SCN9A: variants seen among roughly 807,000 people sequenced by gnomAD.
SCN9A encodes sodium channel protein type 9 subunit alpha.
A neutral mutation model predicts 187.0 loss-of-function variants in SCN9A; 131 were observed. That is an observed-to-expected ratio of 0.70 (90% CI 0.61 to 0.81). SCN9A has a LOEUF of 0.81. Ranked by LOEUF, SCN9A falls within the 30% of genes least tolerant of loss-of-function variation. The pLI, the probability that SCN9A is intolerant of heterozygous loss-of-function variation, is 0.00. For missense variants in SCN9A, 2,252 were observed against 2,396.6 expected, an observed-to-expected ratio of 0.94 and a Z score of 1.26; for synonymous variants, 809 against 808.6, an observed-to-expected ratio of 1.00 and a Z score of -0.01.
intron 1 of SCN9A, among the ~76,000 whole-genome samples, chr2:166,336,661 C>G (rs7597876): frequency 6.6e-6 from 1 of 152,066 alleles, no homozygotes; most frequent in African/African-American, 2.4e-5. Flanking sequence ...ACACTGTAAA[C>G]GGCCTGAGAG....
At chr2:166,349,704 G>A (rs1699987233) in intron 1 of SCN9A, among the ~76,000 whole-genome samples, 1 of 152,150 alleles carries the variant, frequency 6.6e-6, no homozygotes, top group South Asian at 2.1e-4. Flanking sequence ...CGGGCATGGT[G>A]GCTCACGCCT....
At chr2:166,369,832 A>G (rs1700505627) in intron 1 of SCN9A, among the ~76,000 whole-genome samples, 1 of 152,170 alleles carries the variant, frequency 6.6e-6, no homozygotes, top group African/African-American at 2.4e-5. Context: ...AATATATGAA[A>G]TATAAATTTT....
At chr2:166,248,905 A>AG (rs1396123364) in intron 18 of SCN9A, among the ~76,000 whole-genome samples, 2 of 151,992 alleles carry the variant, frequency 1.3e-5, no homozygotes, top group African/African-American at 4.8e-5. Context: ...CCTGGCCTCA[A>AG]GTGATCGCCC....
intron 1 of SCN9A, among the ~76,000 whole-genome samples, chr2:166,339,210 G>A (rs1015229323): frequency 6.6e-6 from 1 of 152,098 alleles, no homozygotes; most frequent in Non-Finnish European, 1.5e-5. Flanking sequence ...CGCTTTGTTG[G>A]TCTGTTTAAG....
At chr2:166,331,486 A>G (rs377231210) in intron 1 of SCN9A, among the ~76,000 whole-genome samples, 1 of 152,148 alleles carries the variant, frequency 6.6e-6, no homozygotes, top group African/African-American at 2.4e-5. Flanking sequence ...TAAATCGACA[A>G]CACCCAACCA....
At chr2:166,224,003 T>C (rs1266759291) in intron 24 of SCN9A, among the ~76,000 whole-genome samples, 1 of 152,188 alleles carries the variant, frequency 6.6e-6, no homozygotes, top group Non-Finnish European at 1.5e-5. Context: ...TTTTTGATGC[T>C]TCTAAATCAG....
At chr2:166,226,170 C>T (rs1694833964) in intron 24 of SCN9A, among the ~76,000 whole-genome samples, 1 of 152,074 alleles carries the variant, frequency 6.6e-6, no homozygotes, top group Non-Finnish European at 1.5e-5. Flanking sequence ...TTACGTTGGT[C>T]TCCCCAAGCT....
intron 2 of SCN9A, among the ~76,000 whole-genome samples, chr2:166,308,342 G>A (rs745823712): frequency 6.6e-6 from 1 of 152,090 alleles, no homozygotes; most frequent in African/African-American, 2.4e-5. Context: ...CTCAGGGGAG[G>A]GACCTGGTGG....
At position 166,282,133 on chromosome 2, in the gene SCN9A, AG is replaced by A. The variant is rs576642667; in HGVS notation, c.1975-326del. ...CTATCATCACCTCTCTGCCTTTCTG[AG>A]TGTTCAATTTATTCAGATAGTTTGT... On this transcript the variant is annotated intron_variant, in intron 12 of 26. Coordinates refer to ENST00000642356, the MANE Select transcript of SCN9A (RefSeq NM_001365536.1). 2.0e-5 allele frequency among the ~76,000 whole-genome samples: 3 copies of A among 152,176 alleles called. No individual in the cohort carries two copies. In the South Asian group the frequency reaches 6.2e-4, roughly 31 times the overall value.
At chr2:166,306,363 G>A (rs1698756765) in intron 4 of SCN9A, 147 bp downstream of exon 4, 1 of 634,326 alleles carries the variant, frequency 1.6e-6, no homozygotes, top group South Asian at 1.8e-5. Context: ...TATCATAGAG[G>A]AGGTAAAGAA....
chr2:166,268,235 CA>C lies in SCN9A; in HGVS notation c.3351+4163del, dbSNP rs1352634453. Among the ~76,000 whole-genome samples the C allele has an allele frequency of 4.6e-5, 7 of 152,002 alleles. No individual in the cohort carries two copies. In the East Asian group the frequency reaches 1.2e-3, roughly 25 times the overall value. The stretch of plus-strand genomic sequence containing the variant: ...TTTTGTAAATTGCTCAAGGTCTTAT[CA>C]AAAGCTAAGATTTGAGGCAAATATT... On this transcript the variant is annotated intron_variant, in intron 17 of 26. Coordinates refer to ENST00000642356, the MANE Select transcript of SCN9A (RefSeq NM_001365536.1).
chr2:166,324,799 CA>C (rs1699325708), intron 1 of SCN9A, among the ~76,000 whole-genome samples: 1 of 152,094 alleles, frequency 6.6e-6, no homozygotes, highest in Non-Finnish European at 1.5e-5. Flanking sequence ...AAAGTATCAA[CA>C]TCATCAAAAA....
chr2:166,357,392 C>T (rs1403097646), intron 1 of SCN9A, among the ~76,000 whole-genome samples: 1 of 152,188 alleles, frequency 6.6e-6, no homozygotes, highest in Non-Finnish European at 1.5e-5. Context: ...CCTAACTCTG[C>T]TGATCTTTAA....
At chr2:166,314,129 G>A (rs925804365) in intron 1 of SCN9A, among the ~76,000 whole-genome samples, 9 of 152,090 alleles carry the variant, frequency 5.9e-5, no homozygotes, top group African/African-American at 2.2e-4. Flanking sequence ...TTAAATAATG[G>A]CAATTACAAA....
intron 1 of SCN9A, among the ~76,000 whole-genome samples, chr2:166,340,782 G>T (rs1224579314): frequency 6.6e-6 from 1 of 151,622 alleles, no homozygotes; most frequent in East Asian, 1.9e-4. Context: ...CACAACACCC[G>T]GCTAAGTTTT....
chr2:166,340,043 C>T lies in SCN9A; in HGVS notation c.-50-28237G>A, dbSNP rs758485743. On this transcript the variant is annotated intron_variant, in intron 1 of 26. Coordinates refer to ENST00000642356, the MANE Select transcript of SCN9A (RefSeq NM_001365536.1). ...AAAGAGGGGATGAAGTAAGGCAGGA[C>T]AAGCACCTGGCTAGGGTTTACTCTA... Among the ~76,000 whole-genome samples, 66 of 152,092 alleles carry T rather than the reference C, an allele frequency of 4.3e-4. 1 individual carries two copies. The highest frequency in any genetic ancestry group is 8.8e-4 in the Non-Finnish European group (60 of 68,020).
intron 7 of SCN9A, 108 bp from the exon 8 acceptor site, chr2:166,294,770 G>C: frequency 1.6e-6 from 1 of 615,186 alleles, no homozygotes; most frequent in Non-Finnish European, 2.7e-6. Context: ...ATTCAGGCCT[G>C]GTCCCAGGCA....
chr2:166,313,737 G>A (rs1428206605), intron 1 of SCN9A, among the ~76,000 whole-genome samples: 1 of 152,172 alleles, frequency 6.6e-6, no homozygotes, highest in African/African-American at 2.4e-5. Flanking sequence ...CTTCAAGAAT[G>A]TTTCCTTTGC....
chr2:166,347,856 A>G (rs1919177), intron 1 of SCN9A, among the ~76,000 whole-genome samples: 58,533 of 151,938 alleles, frequency 0.39, 12,614 homozygotes, highest in Non-Finnish European at 0.48. Flanking sequence ...ACTCTGATCT[A>G]GAACTTGTAT....
Sources: gnomAD v4.1 joint callset for allele counts (sites outside exome capture counted in the v4.1 genomes callset) on GRCh38, gnomAD v4.1.1 for gene constraint, MANE v1.5 for transcripts, NCBI Gene and HGNC (gene_info 2026-07-23, HGNC 2026-07-21) for gene names.